Variants in KAT6A observed in about 807,000 individuals in gnomAD.
KAT6A encodes histone acetyltransferase KAT6A.
A neutral mutation model predicts 198.4 loss-of-function variants in KAT6A; 9 were observed. That is an observed-to-expected ratio of 0.05 (90% confidence interval 0.03 to 0.08). The LOEUF is 0.08. Ranked by LOEUF, KAT6A falls within the 10% of genes least tolerant of loss-of-function variation. The pLI, the probability that KAT6A is intolerant of heterozygous loss-of-function variation, is 1.00. For missense variants in KAT6A, 2,077 were observed against 2,509.9 expected, an observed-to-expected ratio of 0.83 and a Z score of 3.69; for synonymous variants, 890 against 883.0, an observed-to-expected ratio of 1.01 and a Z score of -0.14.
At chr8:42,040,017 G>C (rs1262762761) in intron 2 of KAT6A, among the ~76,000 whole-genome samples, 1 of 151,888 alleles carries the variant, frequency 6.6e-6, no homozygotes, top group African/African-American at 2.4e-5. Flanking sequence ...AAAGTGCTGG[G>C]ATTATAGGCG....
At chr8:41,987,214 C>T (rs1330472854) in intron 3 of KAT6A, among the ~76,000 whole-genome samples, 1 of 152,220 alleles carries the variant, frequency 6.6e-6, no homozygotes, top group East Asian at 1.9e-4. Flanking sequence ...GAGCAACAGA[C>T]TACACCACAT....
rs962387312 is a variant in KAT6A at position 41,974,252 on chromosome 8, A to AT, written c.1482+451dup. ...ACCAACATACCTGGCTAATTTTTCT[A>AT]TTTTTTTTTTGAGATGGGGTTTTGC... On this transcript the variant is annotated intron_variant, in intron 8 of 16. Coordinates refer to ENST00000265713, the MANE Select transcript of KAT6A (RefSeq NM_006766.5). 5.4e-4 allele frequency: 79 copies of AT among 147,572 alleles called. No homozygotes were observed. In the East Asian group the frequency reaches 5.7e-3, roughly 11 times the overall value. 9.1% of individuals were successfully genotyped at this position (147,572 alleles called of 1,614,324 possible).
intron 3 of KAT6A, among the ~76,000 whole-genome samples, chr8:41,983,361 C>T (rs1053312514): frequency 5.9e-5 from 9 of 152,222 alleles, no homozygotes; most frequent in African/African-American, 1.9e-4. Flanking sequence ...ATTTCACCCA[C>T]AATCCTATCA....
chr8:42,033,040 G>A (rs780842811), intron 2 of KAT6A, among the ~76,000 whole-genome samples: 14 of 151,682 alleles, frequency 9.2e-5, no homozygotes, highest in Non-Finnish European at 1.6e-4. Flanking sequence ...CACCACACTC[G>A]GCTAATTTTT....
chr8:41,993,056 CCTCT>C (rs1410235683), intron 2 of KAT6A, among the ~76,000 whole-genome samples: 6 of 152,050 alleles, frequency 3.9e-5, no homozygotes, highest in African/African-American at 7.2e-5. Context: ...CAAAATTGTC[CCTCT>C]ATGTCCCTGT....
At chr8:41,935,582 C>T (rs1055182909) in intron 16 of KAT6A, among the ~76,000 whole-genome samples, 5 of 152,130 alleles carry the variant, frequency 3.3e-5, no homozygotes, top group Non-Finnish European at 7.4e-5. Flanking sequence ...GTAAACTATA[C>T]GTAACATAAA....
intron 2 of KAT6A, among the ~76,000 whole-genome samples, chr8:41,990,405 G>A (rs1824876114): frequency 6.6e-6 from 1 of 152,174 alleles, no homozygotes; most frequent in African/African-American, 2.4e-5. Context: ...TGGGAAGACA[G>A]CACTAAGAAA....
intron 2 of KAT6A, among the ~76,000 whole-genome samples, chr8:42,011,913 A>G (rs991465626): frequency 9.9e-5 from 15 of 152,084 alleles, no homozygotes; most frequent in African/African-American, 3.1e-4. Flanking sequence ...AAAAAAAAGA[A>G]TAACAAAGAG....
At chr8:42,040,636 G>A (rs1827611337) in intron 2 of KAT6A, among the ~76,000 whole-genome samples, 1 of 149,152 alleles carries the variant, frequency 6.7e-6, no homozygotes, top group Non-Finnish European at 1.5e-5. Context: ...TCGGGAGGCT[G>A]AGGCAGGAGA....
At chr8:42,020,240 G>A (rs1190982095) in intron 2 of KAT6A, among the ~76,000 whole-genome samples, 2 of 152,264 alleles carry the variant, frequency 1.3e-5, no homozygotes, top group South Asian at 2.1e-4. Flanking sequence ...TGAGTAATCA[G>A]CAGAGACTGT....
At chr8:42,034,149 A>AGG (rs974272707) in intron 2 of KAT6A, among the ~76,000 whole-genome samples, 11 of 152,200 alleles carry the variant, frequency 7.2e-5, no homozygotes, top group African/African-American at 2.7e-4. Context: ...AGAAAAATAT[A>AGG]GGGGCAAGGG....
At chr8:41,975,594 T>C (rs1283795371) in intron 7 of KAT6A, among the ~76,000 whole-genome samples, 1 of 152,184 alleles carries the variant, frequency 6.6e-6, no homozygotes, top group Non-Finnish European at 1.5e-5. Flanking sequence ...GACTCACTGT[T>C]GACAACATTC....
chr8:41,984,689 G>A (rs767702680), intron 3 of KAT6A, among the ~76,000 whole-genome samples: 2 of 152,074 alleles, frequency 1.3e-5, no homozygotes, highest in South Asian at 4.1e-4. Flanking sequence ...AAAAGTTACC[G>A]CTACAGGGGC....
In KAT6A at chr8:41,929,641, C is replaced by T. The variant is rs1025551593; in HGVS notation, c.*2564G>A. On this transcript the variant is annotated 3_prime_UTR_variant, in exon 17 of 17. Coordinates refer to ENST00000265713, the MANE Select transcript of KAT6A (RefSeq NM_006766.5). ...ATGGAGAGATACAAAGGCATCTAGG[C>T]ACCCCTTCCCCTTAGCTTACAAGTC... 1 of 194,236 alleles carries T rather than the reference C, an allele frequency of 5.1e-6. No homozygotes were observed. Among genetic ancestry groups the T allele is most frequent in the Non-Finnish European group, 1.1e-5 (1 of 93,022 alleles). 12.0% of individuals were successfully genotyped at this position (194,236 alleles called of 1,614,324 possible).
At chr8:42,003,447 T>TC (rs1323596639) in intron 2 of KAT6A, among the ~76,000 whole-genome samples, 1 of 90,948 alleles carries the variant, frequency 1.1e-5, no homozygotes, top group African/African-American at 4.2e-5. Flanking sequence ...TCAAACCTCT[T>TC]TTTTTTTTTT....
At chr8:42,044,003 G>A (rs1827789243) in intron 2 of KAT6A, among the ~76,000 whole-genome samples, 1 of 151,676 alleles carries the variant, frequency 6.6e-6, no homozygotes, top group Admixed American at 6.6e-5. Flanking sequence ...ATAACGCCTG[G>A]CACATAGTAA....
At position 41,941,154 on chromosome 8, in the gene KAT6A, G is replaced by T; in HGVS notation, c.2727C>A (p.Thr909=). The stretch of plus-strand genomic sequence containing the variant: ...CTTCACTTTCAGTGTATTGTTCCTG[G>T]GTGGCTTCTGATTTCTCCCCACATT... ...YGECGEKSEA[T]QEQYTESEEQ... is the part of the protein sequence containing the mutation. The change falls in exon 15 of 17, where the codon ACC becomes ACA. Residue 909 remains threonine (T), a synonymous_variant. Transcript: ENST00000265713. 6.2e-7 allele frequency: 1 copy of T among 1,614,040 alleles called. No homozygotes were observed. Among genetic ancestry groups the T allele is most frequent in the Non-Finnish European group, 8.5e-7 (1 of 1,180,004 alleles).
chr8:41,970,169 T>G (rs1823715232), intron 8 of KAT6A, among the ~76,000 whole-genome samples: 1 of 152,196 alleles, frequency 6.6e-6, no homozygotes, highest in Non-Finnish European at 1.5e-5. Context: ...GCCCTATAGT[T>G]CTGGTACCAA....
chr8:42,031,111 A>C (rs1038162865), intron 2 of KAT6A, among the ~76,000 whole-genome samples: 1 of 151,966 alleles, frequency 6.6e-6, no homozygotes, highest in South Asian at 2.1e-4. Flanking sequence ...CAAAAGGTAC[A>C]AAAGAAACAT....
Sources: allele counts gnomAD v4.1 joint callset (sites outside exome capture counted in the v4.1 genomes callset), GRCh38; gene constraint gnomAD v4.1.1; transcripts MANE v1.5; gene names NCBI Gene and HGNC (gene_info 2026-07-23, HGNC 2026-07-21).